The following TPH2 variants were observed in gnomAD, a reference collection of about 807,000 sequenced individuals.
TPH2 encodes tryptophan hydroxylase 2.
Under a neutral mutation model 59.1 loss-of-function variants are expected in TPH2, and 27 were observed. The ratio of observed to expected loss-of-function variants is 0.46; its 90% confidence interval spans 0.34 to 0.63. TPH2 has a LOEUF of 0.63. TPH2 is among the 30% of genes least tolerant of loss of function. The pLI is 0.01. For missense variants in TPH2, 523 were observed against 588.3 expected (o/e 0.89, Z 1.15); for synonymous variants, 220 against 210.5 (o/e 1.05, Z -0.39).
At chr12:72,016,371 T>C (rs970920639) in intron 8 of TPH2, among the ~76,000 whole-genome samples, 3 of 152,192 alleles carry the variant, frequency 2.0e-5, no homozygotes, top group East Asian at 1.9e-4. Context: ...GGCTGCTTTT[T>C]GGACATATTT....
intron 5 of TPH2, chr12:71,962,459 G>A (rs1871712852): frequency 2.0e-6 from 2 of 985,194 alleles, no homozygotes; most frequent in Non-Finnish European, 2.4e-6. Context: ...GTCTAGATAA[G>A]GGTCAGGAAA....
chr12:71,961,628 C>G, intron 5 of TPH2: 2 of 1,352,076 alleles, frequency 1.5e-6, no homozygotes, highest in Non-Finnish European at 2.0e-6. Flanking sequence ...TGAGCTCAAG[C>G]TCCTTGTGTA....
chr12:71,986,997 A>G (rs1196578103), intron 7 of TPH2, among the ~76,000 whole-genome samples: 2 of 152,196 alleles, frequency 1.3e-5, no homozygotes, highest in Non-Finnish European at 2.9e-5. Flanking sequence ...TGGGCACAGA[A>G]GCCACCACAA....
intron 6 of TPH2, 48 bp from the exon 7 acceptor site, chr12:71,978,904 A>G (rs765753845): frequency 6.2e-7 from 1 of 1,613,450 alleles, no homozygotes; most frequent in South Asian, 1.1e-5. Context: ...TGGGCCCTCA[A>G]GTCTTGCTGG....
chr12:71,964,491 AATAT>A, intron 5 of TPH2: 2 of 958,270 alleles, frequency 2.1e-6, no homozygotes, highest in East Asian at 1.2e-4. Flanking sequence ...GTTGATGCAG[AATAT>A]ATATATATAT....
At chr12:71,982,717 T>C (rs1416757514) in intron 7 of TPH2, among the ~76,000 whole-genome samples, 1 of 152,230 alleles carries the variant, frequency 6.6e-6, no homozygotes, top group South Asian at 2.1e-4. Context: ...GTTTGCTGCT[T>C]GTACTGTGTT....
At chr12:71,960,475 A>G (rs1592387777) in intron 5 of TPH2, among the ~76,000 whole-genome samples, 1 of 152,234 alleles carries the variant, frequency 6.6e-6, no homozygotes, top group African/African-American at 2.4e-5. Context: ...TGGGAGAATC[A>G]TTTTCATGCC....
intron 8 of TPH2, among the ~76,000 whole-genome samples, chr12:72,007,949 C>T (rs1872999111): frequency 6.6e-6 from 1 of 152,096 alleles, no homozygotes; most frequent in African/African-American, 2.4e-5. Context: ...CAGTTATGGC[C>T]CATTCATTTA....
chr12:72,029,716 G>A (rs1273926468), intron 9 of TPH2, among the ~76,000 whole-genome samples: 2 of 152,152 alleles, frequency 1.3e-5, no homozygotes, highest in Non-Finnish European at 2.9e-5. Context: ...TCTGCATTCT[G>A]TGATTCATAT....
chr12:71,984,530 T>G (rs1872375757), intron 7 of TPH2, among the ~76,000 whole-genome samples: 1 of 152,174 alleles, frequency 6.6e-6, no homozygotes, highest in African/African-American at 2.4e-5. Context: ...ATATCAGGCC[T>G]TGCTGAAGTC....
chr12:72,028,436 G>A (rs140010268), intron 9 of TPH2, among the ~76,000 whole-genome samples: 1 of 152,278 alleles, frequency 6.6e-6, no homozygotes, highest in African/African-American at 2.4e-5. Context: ...TTGGGCAATA[G>A]AAGTTGGAAT....
At chr12:71,972,042 T>A (rs1022667405) in intron 5 of TPH2, among the ~76,000 whole-genome samples, 1 of 152,196 alleles carries the variant, frequency 6.6e-6, no homozygotes, top group Non-Finnish European at 1.5e-5. Context: ...CCCAGACATT[T>A]TGGACACTGA....
intron 7 of TPH2, among the ~76,000 whole-genome samples, chr12:71,985,679 G>C (rs927947812): frequency 6.6e-6 from 1 of 152,194 alleles, no homozygotes; most frequent in Non-Finnish European, 1.5e-5. Context: ...TTACAGGTGT[G>C]AGCCACTGTA....
intron 6 of TPH2, among the ~76,000 whole-genome samples, chr12:71,973,354 T>G (rs927141176): frequency 6.6e-6 from 1 of 152,174 alleles, no homozygotes; most frequent in Non-Finnish European, 1.5e-5. Context: ...AAAACCAAGA[T>G]GACGATGAGA....
At chr12:72,001,706 A>G (rs981763501) in intron 8 of TPH2, among the ~76,000 whole-genome samples, 13 of 152,248 alleles carry the variant, frequency 8.5e-5, no homozygotes, top group African/African-American at 3.1e-4. Flanking sequence ...ACTTCTTAGA[A>G]ACATAATATG....
At chr12:71,965,364 G>C (rs1386338574) in intron 5 of TPH2, 1 of 152,172 alleles carries the variant, frequency 6.6e-6, no homozygotes, top group Non-Finnish European at 1.5e-5. Flanking sequence ...TGGCCATACT[G>C]CTTTCCACAA....
At chr12:72,019,945 T>TTG (rs1473189428) in intron 8 of TPH2, among the ~76,000 whole-genome samples, 1 of 152,176 alleles carries the variant, frequency 6.6e-6, no homozygotes, top group Non-Finnish European at 1.5e-5. Context: ...TTGGATCCCT[T>TTG]TGTGTGTTTC....
At chr12:71,968,053 G>A (rs1017709094) in intron 5 of TPH2, among the ~76,000 whole-genome samples, 2 of 152,168 alleles carry the variant, frequency 1.3e-5, no homozygotes, top group African/African-American at 4.8e-5. Flanking sequence ...GAGGAGGGAG[G>A]GAGGAGGCTG....
intron 7 of TPH2, among the ~76,000 whole-genome samples, chr12:71,981,773 C>T (rs1872284187): frequency 6.6e-6 from 1 of 151,982 alleles, no homozygotes; most frequent in African/African-American, 2.4e-5. Flanking sequence ...GGTATTTTGT[C>T]TGTGAGGTGC....
Sources: allele counts gnomAD v4.1 joint callset (sites outside exome capture counted in the v4.1 genomes callset), GRCh38; gene constraint gnomAD v4.1.1; transcripts MANE v1.5; gene names NCBI Gene and HGNC (gene_info 2026-07-23, HGNC 2026-07-21).